Variants in GNL3L observed in about 807,000 individuals in gnomAD.
GNL3L encodes G protein nucleolar 3 like, also known as guanine nucleotide-binding protein-like 3-like protein.
Under a neutral mutation model 42.9 loss-of-function variants are expected in GNL3L, and 4 were observed. That is an observed-to-expected ratio of 0.09 (90% confidence interval 0.05 to 0.21). GNL3L has a LOEUF of 0.21. GNL3L is among the 10% of genes least tolerant of loss of function. GNL3L has a pLI of 1.00. For synonymous variants in GNL3L, 159 were observed against 176.3 expected (o/e 0.90, Z 0.78); for missense variants, 412 against 481.7 (o/e 0.86, Z 1.36).
rs372146961 is a variant in GNL3L, at chrX:54,595,415, T to C, written c.*46-25430T>C. Among the ~76,000 whole-genome samples the C allele has an allele frequency of 4.6e-4, 52 of 112,037 alleles. 1 individual carries two copies. In the East Asian group the frequency reaches 0.011, roughly 23 times the overall value. ...ACTGAAAAGTCTACTGCTAGACATATGGGAGCTCCATTGTATGTTCTTTGT... is the reference window on the plus strand; with the variant it reads ...ACTGAAAAGTCTACTGCTAGACATACGGGAGCTCCATTGTATGTTCTTTGT... On this transcript the variant is annotated intron_variant, in intron 16 of 16. Coordinates refer to the GNL3L transcript ENST00000674498.
the GNL3L span, among the ~76,000 whole-genome samples, chrX:54,635,815 AT>A: frequency 5.5e-5 from 6 of 109,550 alleles, no homozygotes; most frequent in African/African-American, 1.7e-4. Flanking sequence ...GTTCTAGGGC[AT>A]TTTTTTTCAA....
downstream of GNL3L, among the ~76,000 whole-genome samples, chrX:54,571,983 TC>T (rs1172702757): frequency 9.1e-6 from 1 of 109,372 alleles, no homozygotes; most frequent in Non-Finnish European, 1.9e-5. Context: ...TTGGGTAGTT[TC>T]TATTTTATTT....
At chrX:54,540,286 A>G in intron 4 of GNL3L, 44 bp downstream of exon 4, 1 of 840,230 alleles carries the variant, frequency 1.2e-6, no homozygotes, top group East Asian at 3.1e-5. Context: ...CCTGCCTTGA[A>G]TGCCAGGTCC....
At chrX:54,640,696 A>G in the GNL3L span, among the ~76,000 whole-genome samples, 11 of 112,293 alleles carry the variant, frequency 9.8e-5, no homozygotes, top group Non-Finnish European at 1.9e-4. Flanking sequence ...AAAATGTCAT[A>G]AACATGTTTT....
At chrX:54,539,460 T>C (rs1455752112) in intron 3 of GNL3L, among the ~76,000 whole-genome samples, 1 of 111,117 alleles carries the variant, frequency 9.0e-6, no homozygotes, top group African/African-American at 3.3e-5. Context: ...AAACATCATC[T>C]TTGGTTCCTG....
rs1263207279 is a variant in GNL3L, at chrX:54,564,532, C to T, written c.*3930C>T. Among the ~76,000 whole-genome samples, 3 of 104,610 alleles carry T rather than the reference C, an allele frequency of 2.9e-5. No individual in the cohort carries two copies. The highest frequency in any genetic ancestry group is 7.0e-5 in the African/African-American group (2 of 28,377). The allele number at this position is 104,610 out of a possible 115,157, so 90.8% of individuals were successfully genotyped here. ...AAGCGGTTCTCCTGCCTCAGCCTCC[C>T]GAGTAGCTGGGATTATGGGCGCCCG... is the stretch of plus-strand genomic sequence containing the variant. On this transcript the variant is annotated 3_prime_UTR_variant, in exon 16 of 16. Transcript: ENST00000360845.
At chrX:54,577,245 A>G (rs748450000) in intron 16 of GNL3L, among the ~76,000 whole-genome samples, 42 of 112,270 alleles carry the variant, frequency 3.7e-4, no homozygotes, top group Non-Finnish European at 6.9e-4. Context: ...CCTTCCATTT[A>G]AGACTGAATC....
At chrX:54,607,137 CT>C (rs1172800209) in intron 16 of GNL3L, among the ~76,000 whole-genome samples, 3 of 76,884 alleles carry the variant, frequency 3.9e-5, no homozygotes, top group African/African-American at 1.8e-4. Flanking sequence ...TTCTTTCTTT[CT>C]TTGTCTCTCT....
chrX:54,620,577 T>C (rs1926275323), intron 16 of GNL3L, among the ~76,000 whole-genome samples: 1 of 112,264 alleles, frequency 8.9e-6, no homozygotes, highest in Admixed American at 9.5e-5. Context: ...TTGGCTATTA[T>C]GAACAGTGCT....
rs376865992 is a variant in GNL3L at position 54,540,069 on chromosome X, C to G, written c.82-66C>G. On this transcript the variant is annotated intron_variant, in intron 3 of 15. Transcript: ENST00000360845. ...GTTGTCTTCCTTCTAGGGCTTCTTG[C>G]TGCCTTTTTGAGGTGATTTCCATGG... is the stretch of plus-strand genomic sequence containing the variant. The G allele has an allele frequency of 4.0e-4, 270 of 672,449 alleles. 3 individuals are homozygous for G. In the South Asian group the frequency reaches 6.1e-3, roughly 15 times the overall value. The allele number at this position is 672,449 out of a possible 1,213,427, so 55.4% of individuals were successfully genotyped here.
At chrX:54,547,028 A>C (rs1601980977) in intron 8 of GNL3L, among the ~76,000 whole-genome samples, 1 of 81,435 alleles carries the variant, frequency 1.2e-5, no homozygotes, top group South Asian at 6.0e-4. Flanking sequence ...ATGACGTCTC[A>C]CTCTATCTCC....
In GNL3L at chrX:54,551,032, C is replaced by A; in HGVS notation, c.845C>A (p.Ala282Asp). 1 of 1,114,831 alleles carries A rather than the reference C, an allele frequency of 9.0e-7. No homozygotes were observed. The highest frequency in any genetic ancestry group is 1.8e-5 in the South Asian group (1 of 54,758). 91.9% of individuals were successfully genotyped at this position (1,114,831 alleles called of 1,213,427 possible). A position where few individuals can be genotyped will look rare whatever the true frequency, so the allele number is the denominator to read the frequency against. ...LKRSRACSVG[A>D]VPGITKFMQE... ...CGCAGCCGCGCATGCAGCGTGGGAG[C>A]TGTTCCTGGAATTACCAAGTAAGCA... Residue 282 changes from alanine (A) to aspartate (D), a missense_variant, in exon 10 of 16, where the codon GCT (alanine) becomes GAT (aspartate). By Grantham distance (126) the Ala-to-Asp change is moderately radical (BLOSUM62 -2). Coordinates refer to ENST00000360845, the MANE Select transcript of GNL3L (RefSeq NM_001184819.2).
At chrX:54,572,164 G>A (rs1238328666), downstream of GNL3L, among the ~76,000 whole-genome samples, 10 of 108,801 alleles carry the variant, frequency 9.2e-5, no homozygotes, top group Non-Finnish European at 1.9e-5. Flanking sequence ...CTTCTGCAGT[G>A]TTTGTGTCCC....
intron 16 of GNL3L, among the ~76,000 whole-genome samples, chrX:54,589,041 C>T (rs1385073926): frequency 8.2e-5 from 9 of 109,817 alleles, no homozygotes; most frequent in African/African-American, 3.0e-4. Flanking sequence ...AATTTTTGTG[C>T]GTACATAGGT....
In GNL3L at chrX:54,539,051, C is replaced by T; in HGVS notation, c.31C>T (p.Pro11Ser). 1 of 1,141,231 alleles carries T rather than the reference C, an allele frequency of 8.8e-7. No homozygotes were observed. The highest frequency in any genetic ancestry group is 3.0e-5 in the East Asian group (1 of 33,383). The allele number at this position is 1,141,231 out of a possible 1,213,427, so 94.1% of individuals were successfully genotyped here. A position where few individuals can be genotyped will look rare whatever the true frequency, so the allele number is the denominator to read the frequency against. Residue 11 changes from proline to serine, a missense_variant, in exon 3 of 16, where the codon CCA (proline) becomes TCA (serine). Transcript: ENST00000360845. MMKLRHKNKK[P>S]GEGSKGHKKI... ...TTTTTCTTTTGTAGAAAATAAAAAGCCAGGTGAAGGTTCCAAGGGCCACAA... is the reference window on the plus strand; with the variant it reads ...TTTTTCTTTTGTAGAAAATAAAAAGTCAGGTGAAGGTTCCAAGGGCCACAA...
At chrX:54,577,972 G>A (rs967133107) in intron 16 of GNL3L, among the ~76,000 whole-genome samples, 3 of 110,844 alleles carry the variant, frequency 2.7e-5, no homozygotes, top group Non-Finnish European at 5.7e-5. Flanking sequence ...CAAACTCCTG[G>A]GCTCAAGCAA....
At chrX:54,599,656 C>G (rs1433083572) in intron 16 of GNL3L, among the ~76,000 whole-genome samples, 11 of 110,756 alleles carry the variant, frequency 9.9e-5, no homozygotes, top group Non-Finnish European at 2.1e-4. Context: ...TCTTTATTCT[C>G]TTTTCCTTTC....
In GNL3L at chrX:54,566,039, T is replaced by G. The variant is rs537356436; in HGVS notation, c.*5437T>G. Among the ~76,000 whole-genome samples the G allele has an allele frequency of 9.1e-6, 1 of 110,483 alleles. No individual in the cohort carries two copies. The highest frequency in any genetic ancestry group is 3.9e-4 in the South Asian group (1 of 2,595). On this transcript the variant is annotated 3_prime_UTR_variant, in exon 16 of 16. Transcript: ENST00000360845. ...TTTCACCATGTTGGCAAGGCTGGTC[T>G]TGAACTCTGGACCTCAAGTGATACA...
At chrX:54,622,812 T>G (rs190282899), downstream of GNL3L, among the ~76,000 whole-genome samples, 1 of 111,333 alleles carries the variant, frequency 9.0e-6, no homozygotes, top group Non-Finnish European at 1.9e-5. Context: ...TTAGGAAGAT[T>G]TACCCATATA....
Sources: gnomAD v4.1 joint callset for allele counts (sites outside exome capture counted in the v4.1 genomes callset) on GRCh38, gnomAD v4.1.1 for gene constraint, MANE v1.5 for transcripts, NCBI Gene and HGNC (gene_info 2026-07-23, HGNC 2026-07-21) for gene names.